C2CD5: variants seen among roughly 807,000 people sequenced by gnomAD.
The protein encoded by C2CD5 is C2 calcium dependent domain containing 5, also known as C2 domain-containing protein 5.
A neutral mutation model predicts 130.3 loss-of-function variants in C2CD5; 109 were observed. That is an observed-to-expected ratio of 0.84 (90% confidence interval 0.72 to 0.98). The LOEUF is 0.98. Ranked by LOEUF, C2CD5 falls within the 50% of genes least tolerant of loss-of-function variation. The pLI is 0.00. For missense variants in C2CD5, 996 were observed against 1,261.8 expected (o/e 0.79, Z 3.19); for synonymous variants, 454 against 429.2 (o/e 1.06, Z -0.71).
chr12:22,497,907 TACACACACACACACAC>T (rs3063916), intron 10 of C2CD5, among the ~76,000 whole-genome samples: 18 of 145,728 alleles, frequency 1.2e-4, no homozygotes, highest in African/African-American at 3.7e-4. Flanking sequence ...TGCACACACA[TACACACACACACACAC>T]ACACACACAC....
intron 3 of C2CD5, among the ~76,000 whole-genome samples, chr12:22,530,885 C>G (rs1271564820): frequency 6.6e-6 from 1 of 152,088 alleles, no homozygotes. Context: ...CAGTTTATTA[C>G]CATCATCATT....
At position 22,475,777 on chromosome 12, in the gene C2CD5, T is replaced by G. The variant is rs34322031; in HGVS notation, c.1903-886A>C. 3.3e-3 allele frequency among the ~76,000 whole-genome samples: 503 copies of G among 152,270 alleles called. 4 individuals carry two copies. The highest frequency in any genetic ancestry group is 4.8e-3 in the Non-Finnish European group (326 of 67,994). On this transcript the variant is annotated intron_variant, in intron 15 of 26. Coordinates refer to ENST00000446597, the MANE Select transcript of C2CD5 (RefSeq NM_001286176.2). Reference sequence around the variant, plus strand: ...CACTTTCACATCAATTTATCTTATTTGTACTCCAAATTAATCTGCCCTCTA... The same window carrying G: ...CACTTTCACATCAATTTATCTTATTGGTACTCCAAATTAATCTGCCCTCTA...
intron 10 of C2CD5, among the ~76,000 whole-genome samples, chr12:22,503,604 G>C (rs1024756174): frequency 1.2e-4 from 19 of 152,028 alleles, no homozygotes; most frequent in African/African-American, 4.6e-4. Context: ...TCCATCTCTA[G>C]GGTCCAAGTG....
At chr12:22,535,047 A>C (rs1379106881) in intron 3 of C2CD5, 2 of 412,244 alleles carry the variant, frequency 4.9e-6, no homozygotes, top group African/African-American at 2.1e-5. Flanking sequence ...ACATCTGAAG[A>C]CTTCTTTTGT....
intron 4 of C2CD5, 114 bp downstream of exon 4, chr12:22,527,607 C>G (rs984299452): frequency 9.9e-6 from 6 of 604,320 alleles, no homozygotes; most frequent in Non-Finnish European, 1.3e-5. Flanking sequence ...CATGAGCCAC[C>G]GCACCTAGCC....
At chr12:22,537,089 T>C (rs184438929) in intron 2 of C2CD5, among the ~76,000 whole-genome samples, 1 of 152,256 alleles carries the variant, frequency 6.6e-6, no homozygotes, top group East Asian at 1.9e-4. Context: ...CTGCCAAAAG[T>C]AGTACATGAT....
At chr12:22,532,589 AC>A (rs1214883369) in intron 3 of C2CD5, among the ~76,000 whole-genome samples, 1 of 152,150 alleles carries the variant, frequency 6.6e-6, no homozygotes, top group African/African-American at 2.4e-5. Flanking sequence ...TATCCCAACC[AC>A]TACAGAATGT....
At chr12:22,508,304 T>C (rs1453121735) in intron 9 of C2CD5, among the ~76,000 whole-genome samples, 1 of 152,110 alleles carries the variant, frequency 6.6e-6, no homozygotes, top group Non-Finnish European at 1.5e-5. Context: ...AACTGGTCTA[T>C]GGAAGTGGTT....
chr12:22,452,484 G>C (rs937145431), intron 26 of C2CD5, among the ~76,000 whole-genome samples: 1 of 152,086 alleles, frequency 6.6e-6, no homozygotes, highest in African/African-American at 2.4e-5. Context: ...TGCGAATCCA[G>C]AACTGCAGTA....
chr12:22,470,845 C>T lies in C2CD5; in HGVS notation c.2425G>A (p.Val809Ile). The change falls in exon 21 of 27, where the codon GTT (valine) becomes ATT (isoleucine). Residue 809 changes from valine to isoleucine, a missense_variant. Val to Ile is a conservative substitution (Grantham distance 29). Transcript: ENST00000446597. ...NQALQTTKTP[V>I]EKSLQRASTD... ...TTACCTCTTTGCAATGACTTTTCAA[C>T]AGGGGTTTTTGTGGTTTGTAAAGCC... 1 of 1,610,714 alleles carries T rather than the reference C, an allele frequency of 6.2e-7. No homozygotes were observed.
intron 15 of C2CD5, among the ~76,000 whole-genome samples, chr12:22,475,119 A>G (rs918221605): frequency 2.0e-5 from 3 of 152,150 alleles, no homozygotes; most frequent in African/African-American, 7.2e-5. Flanking sequence ...ACATAACAAG[A>G]TAAAACTGAC....
intron 12 of C2CD5, among the ~76,000 whole-genome samples, chr12:22,487,966 A>G (rs2136389152): frequency 1.3e-5 from 2 of 148,956 alleles, no homozygotes; most frequent in African/African-American, 4.9e-5. Context: ...AAAACCAAAC[A>G]CTGCACGTTC....
intron 15 of C2CD5, chr12:22,477,241 C>T (rs913840312): frequency 2.0e-5 from 3 of 151,916 alleles, no homozygotes; most frequent in Non-Finnish European, 2.9e-5. Context: ...CTTTAAAATC[C>T]AGTGTATATT....
intron 2 of C2CD5, among the ~76,000 whole-genome samples, chr12:22,542,455 T>C (rs1207206044): frequency 1.3e-5 from 2 of 152,246 alleles, no homozygotes; most frequent in Non-Finnish European, 2.9e-5. Flanking sequence ...CAAGCTCCAC[T>C]ACCCACATAT....
At chr12:22,476,489 T>A (rs1022056249) in intron 15 of C2CD5, among the ~76,000 whole-genome samples, 3 of 152,134 alleles carry the variant, frequency 2.0e-5, no homozygotes, top group African/African-American at 7.2e-5. Flanking sequence ...TTAAAATTTT[T>A]AAAATCATAA....
intron 22 of C2CD5, among the ~76,000 whole-genome samples, chr12:22,461,447 T>G (rs1399850984): frequency 1.3e-5 from 2 of 152,228 alleles, no homozygotes; most frequent in Non-Finnish European, 2.9e-5. Flanking sequence ...GCATATATTT[T>G]AATGGCAAAT....
At chr12:22,531,965 T>C (rs1951320370) in intron 3 of C2CD5, among the ~76,000 whole-genome samples, 1 of 152,150 alleles carries the variant, frequency 6.6e-6, no homozygotes, top group South Asian at 2.1e-4. Context: ...GAACAGAAGA[T>C]ATACCCCAAA....
intron 22 of C2CD5, among the ~76,000 whole-genome samples, chr12:22,467,039 T>C (rs1278036030): frequency 1.3e-5 from 2 of 152,220 alleles, no homozygotes; most frequent in Non-Finnish European, 2.9e-5. Context: ...CTCAATCCCA[T>C]CCTTCTCTGC....
In C2CD5 at chr12:22,532,274, G is replaced by T. The variant is rs1293801597; in HGVS notation, c.177+2984C>A. 3.3e-5 allele frequency among the ~76,000 whole-genome samples: 5 copies of T among 151,384 alleles called. 1 individual carries two copies. The highest frequency in any genetic ancestry group is 2.0e-4 in the Admixed American group (3 of 15,222). On this transcript the variant is annotated intron_variant, in intron 3 of 26. Coordinates refer to ENST00000446597, the MANE Select transcript of C2CD5 (RefSeq NM_001286176.2). Reference sequence around the variant, plus strand: ...GAACCTGAGAGGCAGAGGTTGCAGTGAGCCAAGATCCCACCATTGCCCTCC... The same window carrying T: ...GAACCTGAGAGGCAGAGGTTGCAGTTAGCCAAGATCCCACCATTGCCCTCC...
Sources: gnomAD v4.1 joint callset for allele counts (sites outside exome capture counted in the v4.1 genomes callset) on GRCh38, gnomAD v4.1.1 for gene constraint, MANE v1.5 for transcripts, NCBI Gene and HGNC (gene_info 2026-07-23, HGNC 2026-07-21) for gene names.